The following ZCCHC7 variants were observed in gnomAD, a reference collection of about 807,000 sequenced individuals.
ZCCHC7 encodes zinc finger CCHC-type containing 7.
A neutral mutation model predicts 52.0 loss-of-function variants in ZCCHC7; 35 were observed. The ratio of observed to expected loss-of-function variants is 0.67; its 90% CI spans 0.51 to 0.89. The LOEUF (loss-of-function observed/expected upper bound fraction) is 0.89, where lower values mean the gene tolerates loss of function less well. ZCCHC7 is among the 40% of genes least tolerant of loss of function. ZCCHC7 has a pLI of 0.00. For synonymous variants in ZCCHC7, 217 were observed against 221.5 expected (o/e 0.98, Z 0.18); for missense variants, 574 against 649.1 (o/e 0.88, Z 1.26).
chr9:37,132,559 A>G (rs188106882), intron 2 of ZCCHC7, among the ~76,000 whole-genome samples: 51 of 152,262 alleles, frequency 3.3e-4, no homozygotes, highest in Admixed American at 2.8e-3. Flanking sequence ...TCATGTGTGC[A>G]CATGTGTGTA....
chr9:37,150,189 G>A (rs1820441598), intron 2 of ZCCHC7, among the ~76,000 whole-genome samples: 1 of 152,158 alleles, frequency 6.6e-6, no homozygotes, highest in Non-Finnish European at 1.5e-5. Context: ...GAGAGGAAAG[G>A]AATAGGAACA....
chr9:37,123,926 G>T (rs2132670845), intron 1 of ZCCHC7, among the ~76,000 whole-genome samples: 1 of 152,292 alleles, frequency 6.6e-6, no homozygotes, highest in Middle Eastern at 3.4e-3. Flanking sequence ...GTGCAACAAG[G>T]GCACAGGTAT....
chr9:37,315,912 G>T (rs778843433), intron 5 of ZCCHC7, among the ~76,000 whole-genome samples: 4 of 146,430 alleles, frequency 2.7e-5, no homozygotes, highest in Non-Finnish European at 6.0e-5. Context: ...TAGCAAGGGT[G>T]ATGAACTGGT....
intron 2 of ZCCHC7, among the ~76,000 whole-genome samples, chr9:37,239,895 T>A (rs1276315823): frequency 6.6e-6 from 1 of 152,124 alleles, no homozygotes; most frequent in African/African-American, 2.4e-5. Context: ...TTTGCTGTTT[T>A]TATCTTTTAA....
chr9:37,145,731 T>TA (rs1478201015), intron 2 of ZCCHC7, among the ~76,000 whole-genome samples: 1 of 151,940 alleles, frequency 6.6e-6, no homozygotes, highest in Non-Finnish European at 1.5e-5. Context: ...ATCCTTAACT[T>TA]AAAAAAATTC....
At position 37,302,250 on chromosome 9, in the gene ZCCHC7, T is replaced by TA. The variant is rs1227271840; in HGVS notation, c.654+23dup. ...CATTGAGGTAAAATCAAATTGTTTT[T>TA]AAAATTCAGAATAATAATTTCCTTT... On this transcript the variant is annotated intron_variant, in intron 3 of 8. Transcript: ENST00000336755. The TA allele has an allele frequency of 1.9e-6, 3 of 1,582,394 alleles. No homozygotes were observed. The highest frequency in any genetic ancestry group is 2.6e-6 in the Non-Finnish European group (3 of 1,154,090).
chr9:37,228,727 G>T (rs1045533741), intron 2 of ZCCHC7, among the ~76,000 whole-genome samples: 50 of 150,382 alleles, frequency 3.3e-4, no homozygotes, highest in African/African-American at 1.2e-3. Context: ...ATTTTTATAT[G>T]AATATAAACA....
intron 2 of ZCCHC7, among the ~76,000 whole-genome samples, chr9:37,163,713 A>G (rs1017929992): frequency 6.6e-6 from 1 of 152,182 alleles, no homozygotes; most frequent in African/African-American, 2.4e-5. Context: ...TTGTTCTTTA[A>G]TGGATCATGC....
chr9:37,290,593 G>A (rs570295147), intron 2 of ZCCHC7, among the ~76,000 whole-genome samples: 1 of 152,276 alleles, frequency 6.6e-6, no homozygotes, highest in East Asian at 1.9e-4. Context: ...GAGGCGGATG[G>A]AGGTTGCAGT....
chr9:37,139,685 G>T (rs1439328039), intron 2 of ZCCHC7, among the ~76,000 whole-genome samples: 3 of 151,930 alleles, frequency 2.0e-5, no homozygotes, highest in Non-Finnish European at 2.9e-5. Context: ...ATCTGTGATA[G>T]TGAAAATCAT....
intron 1 of ZCCHC7, 46 bp downstream of exon 1, chr9:37,120,669 C>T (rs1842266270): frequency 2.6e-6 from 1 of 384,968 alleles, no homozygotes; most frequent in African/African-American, 2.1e-5. Flanking sequence ...GCTCGGGACC[C>T]CTGCCTACCC....
chr9:37,128,011 C>T (rs1197755983), intron 2 of ZCCHC7, among the ~76,000 whole-genome samples: 2 of 152,100 alleles, frequency 1.3e-5, no homozygotes, highest in African/African-American at 4.8e-5. Context: ...TTTGCAAACC[C>T]TGAGAACTTG....
At chr9:37,224,261 C>T (rs893901236) in intron 2 of ZCCHC7, among the ~76,000 whole-genome samples, 2 of 152,112 alleles carry the variant, frequency 1.3e-5, no homozygotes, top group Non-Finnish European at 2.9e-5. Context: ...ACATTAGCTC[C>T]ATGTACTGGT....
chr9:37,121,647 A>G (rs1011767908), intron 1 of ZCCHC7: 8 of 152,218 alleles, frequency 5.3e-5, no homozygotes, highest in Non-Finnish European at 1.0e-4. Flanking sequence ...GCAAGTGAGG[A>G]TTATATTAAT....
At chr9:37,136,037 G>GTT (rs145618931) in intron 2 of ZCCHC7, among the ~76,000 whole-genome samples, 2 of 151,910 alleles carry the variant, frequency 1.3e-5, no homozygotes, top group African/African-American at 4.8e-5. Flanking sequence ...TTACATATGT[G>GTT]TTTTTTTGTT....
At chr9:37,236,584 CAG>C (rs1825664634) in intron 2 of ZCCHC7, among the ~76,000 whole-genome samples, 1 of 151,990 alleles carries the variant, frequency 6.6e-6, no homozygotes. Flanking sequence ...TTAGCAGAGA[CAG>C]GGTTTCACCG....
chr9:37,306,613 G>A (rs1233329446), intron 5 of ZCCHC7, among the ~76,000 whole-genome samples: 1 of 142,406 alleles, frequency 7.0e-6, no homozygotes, highest in Non-Finnish European at 1.5e-5. Context: ...TTACAGGCAC[G>A]TGCCACCACA....
intron 2 of ZCCHC7, among the ~76,000 whole-genome samples, chr9:37,164,935 G>A (rs76544373): frequency 1.9e-3 from 291 of 152,264 alleles, no homozygotes; most frequent in African/African-American, 6.9e-3. Flanking sequence ...AATTGGGATT[G>A]TGTTCAATCT....
chr9:37,157,670 A>G (rs1295066696), intron 2 of ZCCHC7, among the ~76,000 whole-genome samples: 2 of 152,256 alleles, frequency 1.3e-5, no homozygotes, highest in Non-Finnish European at 2.9e-5. Context: ...GCATACAAAT[A>G]ACTAACAGAT....
Sources: allele counts gnomAD v4.1 joint callset (sites outside exome capture counted in the v4.1 genomes callset), GRCh38; gene constraint gnomAD v4.1.1; transcripts MANE v1.5; gene names NCBI Gene and HGNC (gene_info 2026-07-23, HGNC 2026-07-21).